Variants in COL10A1 observed in about 807,000 individuals in gnomAD.
COL10A1 encodes the protein collagen alpha-1(X) chain.
In COL10A1, 10 loss-of-function variants were observed where a neutral mutation model predicts 18.2. The ratio of observed to expected loss-of-function variants is 0.55; its 90% CI spans 0.34 to 0.93. The LOEUF (loss-of-function observed/expected upper bound fraction) is 0.93. Among genes scored for constraint, COL10A1 ranks in the 40% least tolerant of loss-of-function variants. COL10A1 has a pLI of 0.02. For synonymous variants in COL10A1, 330 were observed against 316.6 expected (o/e 1.04, Z -0.45); for missense variants, 897 against 853.5 (o/e 1.05, Z -0.64).
At chr6:116,145,028 C>T (rs769823463) in intron 1 of COL10A1, among the ~76,000 whole-genome samples, 5 of 152,110 alleles carry the variant, frequency 3.3e-5, no homozygotes, top group East Asian at 1.9e-4. Flanking sequence ...AGATTTGATT[C>T]GTACATCAGA....
chr6:116,162,285 T>G (rs1346070837), upstream of COL10A1, among the ~76,000 whole-genome samples: 1 of 152,214 alleles, frequency 6.6e-6, no homozygotes, highest in Non-Finnish European at 1.5e-5. Context: ...TCCTGCCTGA[T>G]TGCTCTGGCT....
At chr6:116,189,581 G>A in the COL10A1 span, among the ~76,000 whole-genome samples, 1 of 151,926 alleles carries the variant, frequency 6.6e-6, no homozygotes, top group African/African-American at 2.4e-5. Context: ...GAGACTACTG[G>A]TTCTCTATAG....
chr6:116,156,741 A>G (rs555691157), intron 1 of COL10A1, among the ~76,000 whole-genome samples: 4 of 152,346 alleles, frequency 2.6e-5, no homozygotes, highest in Non-Finnish European at 5.9e-5. Flanking sequence ...CATATCTTGA[A>G]TAAGAAGTAC....
intron 1 of COL10A1, among the ~76,000 whole-genome samples, chr6:116,152,994 A>G (rs1376138589): frequency 6.6e-6 from 1 of 152,130 alleles, no homozygotes; most frequent in Non-Finnish European, 1.5e-5. Flanking sequence ...TGATTGCTTT[A>G]TACTTTACCA....
chr6:116,199,150 G>A, the COL10A1 span, among the ~76,000 whole-genome samples: 139 of 152,112 alleles, frequency 9.1e-4, no homozygotes, highest in South Asian at 1.7e-3. Flanking sequence ...GTCAAAAGCC[G>A]TAATGTATAA....
upstream of COL10A1, among the ~76,000 whole-genome samples, chr6:116,128,812 A>G (rs75096598): frequency 6.6e-6 from 1 of 152,218 alleles, no homozygotes; most frequent in African/African-American, 2.4e-5. Context: ...TCAGGTGATC[A>G]TGATGGCCTC....
chr6:116,184,047 G>A, the COL10A1 span, among the ~76,000 whole-genome samples: 7 of 152,066 alleles, frequency 4.6e-5, no homozygotes, highest in African/African-American at 7.2e-5. Context: ...TGTCATAGAT[G>A]GTTTTTATTA....
chr6:116,121,533 C>T lies in COL10A1; in HGVS notation c.583G>A (p.Ala195Thr). ...CCCCTCTCACCTGGACGACCAGGAG[C>T]ACCATATCCCATTTCCCCTTTCTGT... ...NGQKGEMGYGAPGRPGERGLP... is the reference protein window; with the variant it reads ...NGQKGEMGYGTPGRPGERGLP... The change falls in exon 3 of 3, where the codon GCT becomes ACT. Residue 195 changes from alanine (A) to threonine (T), a missense_variant. Coordinates refer to ENST00000651968, the MANE Select transcript of COL10A1 (RefSeq NM_000493.4). 1.2e-6 allele frequency: 2 copies of T among 1,614,122 alleles called. No individual in the cohort carries two copies. Among genetic ancestry groups the T allele is most frequent in the Non-Finnish European group, 1.7e-6 (2 of 1,180,014 alleles).
At chr6:116,186,782 T>A in the COL10A1 span, among the ~76,000 whole-genome samples, 1 of 152,036 alleles carries the variant, frequency 6.6e-6, no homozygotes. Flanking sequence ...TTCATTCGTA[T>A]CCTGTATCAT....
chr6:116,167,466 C>T, the COL10A1 span, among the ~76,000 whole-genome samples: 1 of 152,040 alleles, frequency 6.6e-6, no homozygotes, highest in African/African-American at 2.4e-5. Context: ...CTTGCCTTGG[C>T]CTCCCAAAGT....
At chr6:116,145,960 C>G (rs922771053) in intron 1 of COL10A1, among the ~76,000 whole-genome samples, 1 of 152,168 alleles carries the variant, frequency 6.6e-6, no homozygotes, top group African/African-American at 2.4e-5. Context: ...AGTGTTTGTA[C>G]AGAGCACTGT....
At chr6:116,212,722 A>G in the COL10A1 span, among the ~76,000 whole-genome samples, 2 of 152,070 alleles carry the variant, frequency 1.3e-5, no homozygotes, top group Admixed American at 6.6e-5. Flanking sequence ...ACATCCCAGG[A>G]TATTCATTTT....
At chr6:116,168,083 CT>C in the COL10A1 span, among the ~76,000 whole-genome samples, 40,645 of 118,976 alleles carry the variant, frequency 0.34, 6,346 homozygotes, top group African/African-American at 0.45. Flanking sequence ...TACCTGGTGT[CT>C]TTTTTTTTTT....
chr6:116,197,833 A>AT, the COL10A1 span, among the ~76,000 whole-genome samples: 62 of 152,080 alleles, frequency 4.1e-4, no homozygotes, highest in Admixed American at 1.3e-4. Context: ...GTTTGCTACC[A>AT]TTGAGAAGCG....
At chr6:116,193,996 ATGATCACCCCAC>A in the COL10A1 span, among the ~76,000 whole-genome samples, 1 of 152,142 alleles carries the variant, frequency 6.6e-6, no homozygotes, top group Non-Finnish European at 1.5e-5. Flanking sequence ...CCCAGGATCC[ATGATCACCCCAC>A]TGTACTCCAG....
At chr6:116,125,616 T>G (rs1156939003) in intron 1 of COL10A1, 109 bp from the exon 2 acceptor site, 2 of 916,208 alleles carry the variant, frequency 2.2e-6, no homozygotes, top group Non-Finnish European at 3.3e-6. Flanking sequence ...TTTTAACCTA[T>G]CCTATATATT....
the COL10A1 span, among the ~76,000 whole-genome samples, chr6:116,196,491 A>C: frequency 2.0e-5 from 3 of 152,064 alleles, no homozygotes; most frequent in Non-Finnish European, 1.5e-5. Flanking sequence ...GGGAAAAAAA[A>C]GTTTTCTCTT....
In COL10A1 at chr6:116,121,962, C is replaced by T. The variant is rs765816001; in HGVS notation, c.155-1G>A. 8 of 1,611,084 alleles carry T rather than the reference C, an allele frequency of 5.0e-6. No homozygotes were observed. The Admixed American group carries it at 1.2e-4, about 23-fold the overall frequency. ...CCTTGCTCTCCTCTTACTGCTATAC[C>T]TAAAAGACACACCCAACACACCCAC... On this transcript the variant is annotated splice_acceptor_variant, in intron 2 of 2. Coordinates refer to ENST00000651968, the MANE Select transcript of COL10A1 (RefSeq NM_000493.4). LOFTEE classifies it high-confidence loss of function.
chr6:116,211,675 A>G, the COL10A1 span, among the ~76,000 whole-genome samples: 1 of 152,116 alleles, frequency 6.6e-6, no homozygotes, highest in Non-Finnish European at 1.5e-5. Context: ...ATTCCTGGAC[A>G]AACTGTGTAC....
Sources: gnomAD v4.1 joint callset for allele counts (sites outside exome capture counted in the v4.1 genomes callset) on GRCh38, gnomAD v4.1.1 for gene constraint, MANE v1.5 for transcripts, NCBI Gene and HGNC (gene_info 2026-07-23, HGNC 2026-07-21) for gene names.